Variants in DIP2A observed in about 807,000 individuals in gnomAD.
DIP2A encodes DIP2 acetate--CoA ligase A, also known as disco-interacting protein 2 homolog A.
A neutral mutation model predicts 177.4 loss-of-function variants in DIP2A; 85 were observed. The observed-to-expected ratio is 0.48, with a 90% confidence interval of 0.40 to 0.57. DIP2A has a LOEUF of 0.57. Among genes scored for constraint, DIP2A ranks in the 20% least tolerant of loss-of-function variants. The pLI is 0.00. For synonymous variants in DIP2A, 886 were observed against 881.8 expected (o/e 1.00, Z -0.08); for missense variants, 1,791 against 2,100.2 (o/e 0.85, Z 2.88).
intron 1 of DIP2A, among the ~76,000 whole-genome samples, chr21:46,464,503 C>T (rs1002967513): frequency 5.3e-5 from 8 of 152,206 alleles, no homozygotes; most frequent in African/African-American, 1.9e-4. Context: ...TATAACAGAA[C>T]ACCACATATA....
At chr21:46,534,537 T>C in intron 12 of DIP2A, 48 bp from the exon 13 acceptor site, 1 of 1,545,806 alleles carries the variant, frequency 6.5e-7, no homozygotes, top group Non-Finnish European at 8.9e-7. Context: ...CTGTCTGTTG[T>C]CACCTCTAGA....
rs375598019 is a variant in DIP2A at position 46,498,565 on chromosome 21, C to A, written c.404-17C>A. The A allele has an allele frequency of 6.3e-7, 1 of 1,592,838 alleles. No individual in the cohort carries two copies. The highest frequency in any genetic ancestry group is 1.7e-5 in the Admixed American group (1 of 59,110). ...CTCATCCCGATATCATGCCTGTCAT[C>A]GTTATTTTAACCACAGACACGTCGT... On this transcript the variant is annotated splice_polypyrimidine_tract_variant and intron_variant, in intron 4 of 37. Coordinates refer to ENST00000417564, the MANE Select transcript of DIP2A (RefSeq NM_015151.4). The surrounding 1 kb of genome is among the most constrained non-coding windows in gnomAD (Gnocchi z 4.3).
At chr21:46,478,572 A>C (rs1444201358) in intron 1 of DIP2A, among the ~76,000 whole-genome samples, 1 of 152,198 alleles carries the variant, frequency 6.6e-6, no homozygotes, top group African/African-American at 2.4e-5. Context: ...ATTACACTTC[A>C]CAGTATTGAG....
chr21:46,463,523 T>C (rs1271642565), intron 1 of DIP2A, among the ~76,000 whole-genome samples: 1 of 152,206 alleles, frequency 6.6e-6, no homozygotes, highest in Admixed American at 6.5e-5. Context: ...AACTTTAGTC[T>C]TTTTCTTGAT....
In DIP2A at chr21:46,498,753, C is replaced by T; in HGVS notation, c.575C>T (p.Thr192Ile). 6.2e-7 allele frequency: 1 copy of T among 1,613,914 alleles called. No homozygotes were observed. The highest frequency in any genetic ancestry group is 1.1e-5 in the South Asian group (1 of 91,088). The change falls in exon 5 of 38, where the codon ACC (threonine) becomes ATC (isoleucine). Residue 192 changes from threonine to isoleucine, a missense_variant. Transcript: ENST00000417564. This position sits in a 1 kb window ranked among gnomAD's most constrained non-coding sequence, Gnocchi z 4.3. ...STSSHPGGRP[T>I]TAPSAAATPG... is the part of the protein sequence containing the mutation. Reference sequence around the variant, plus strand: ...TCATCTCACCCGGGAGGGAGACCCACCACTGCTCCCAGTGCTGCAGCCACG... The same window carrying T: ...TCATCTCACCCGGGAGGGAGACCCATCACTGCTCCCAGTGCTGCAGCCACG...
chr21:46,538,827 G>A (rs956944709), intron 16 of DIP2A: 42 of 589,498 alleles, frequency 7.1e-5, no homozygotes, highest in Non-Finnish European at 1.2e-4. Flanking sequence ...TATGCTTGAT[G>A]AAAGGTACAT....
chr21:46,561,703 C>T, intron 33 of DIP2A, 45 bp from the exon 34 acceptor site: 1 of 1,610,750 alleles, frequency 6.2e-7, no homozygotes, highest in Non-Finnish European at 8.5e-7. Context: ...GACATTACTA[C>T]CTGTGTAGTA....
At chr21:46,558,175 C>T in intron 31 of DIP2A, 48 bp from the exon 32 acceptor site, 1 of 1,556,378 alleles carries the variant, frequency 6.4e-7, no homozygotes, top group Non-Finnish European at 8.7e-7. Flanking sequence ...AGGGCCCTGG[C>T]AACTCACTGA....
At chr21:46,566,795 G>A in intron 37 of DIP2A, 112 bp downstream of exon 37, 1 of 1,395,490 alleles carries the variant, frequency 7.2e-7, no homozygotes. Flanking sequence ...CTGGGCACAG[G>A]CCTCCTGCAT....
intron 1 of DIP2A, among the ~76,000 whole-genome samples, chr21:46,467,245 G>A (rs565527371): frequency 1.2e-3 from 163 of 140,338 alleles, no homozygotes; most frequent in Non-Finnish European, 1.8e-3. Context: ...GCAGTGAGCC[G>A]ATATCGCACC....
At chr21:46,543,541 G>GCTCCTCCAGGCA (rs2059909117) in intron 18 of DIP2A, among the ~76,000 whole-genome samples, 1 of 24,770 alleles carries the variant, frequency 4.0e-5, no homozygotes, top group Admixed American at 3.5e-4. Flanking sequence ...CGTGCAAAGC[G>GCTCCTCCAGGCA]CTCCCCCAGG....
intron 11 of DIP2A, 139 bp from the exon 12 acceptor site, chr21:46,533,865 T>C: frequency 1.0e-6 from 1 of 971,820 alleles, no homozygotes; most frequent in Non-Finnish European, 1.5e-6. Flanking sequence ...TTTTAAATTA[T>C]ATAAAATGAA....
downstream of DIP2A, among the ~76,000 whole-genome samples, chr21:46,573,383 G>T (rs2060978891): frequency 1.3e-5 from 2 of 151,800 alleles, no homozygotes; most frequent in Admixed American, 1.3e-4. Context: ...ATATTCACTG[G>T]GCACAGTGGC....
chr21:46,555,659 G>T (rs2060441089), intron 28 of DIP2A: 1 of 347,856 alleles, frequency 2.9e-6, no homozygotes, highest in Admixed American at 4.6e-5. Context: ...TTTGCCATAG[G>T]CTCTGTGACT....
chr21:46,514,435 CAA>C (rs201042541), intron 8 of DIP2A, among the ~76,000 whole-genome samples: 59 of 133,328 alleles, frequency 4.4e-4, no homozygotes, highest in Admixed American at 5.2e-4. Flanking sequence ...GACTCCATCT[CAA>C]AAAAAAAAAA....
intron 1 of DIP2A, among the ~76,000 whole-genome samples, chr21:46,465,024 A>T (rs1018442942): frequency 6.6e-6 from 1 of 151,934 alleles, no homozygotes; most frequent in African/African-American, 2.4e-5. Context: ...CCTTTGAATG[A>T]TGGATAAGAA....
At chr21:46,468,412 TAAA>T (rs59835943) in intron 1 of DIP2A, among the ~76,000 whole-genome samples, 16 of 142,598 alleles carry the variant, frequency 1.1e-4, no homozygotes, top group African/African-American at 1.6e-4. Context: ...ATACCCTGTC[TAAA>T]AAAAAAAAAA....
At chr21:46,505,874 A>G (rs1490799777) in intron 6 of DIP2A, among the ~76,000 whole-genome samples, 1 of 152,182 alleles carries the variant, frequency 6.6e-6, no homozygotes, top group Non-Finnish European at 1.5e-5. Context: ...AATTATTTTG[A>G]GATTCATTCA....
rs1476611759 is a variant in DIP2A at position 46,557,515 on chromosome 21, G to A, written c.3630-70G>A. 3 of 1,512,972 alleles carry A rather than the reference G, an allele frequency of 2.0e-6. No homozygotes were observed. Among genetic ancestry groups the A allele is most frequent in the Non-Finnish European group, 2.7e-6 (3 of 1,119,964 alleles). The allele number at this position is 1,512,972 out of a possible 1,614,324, so 93.7% of individuals were successfully genotyped here. On this transcript the variant is annotated intron_variant, in intron 30 of 37. Coordinates refer to ENST00000417564, the MANE Select transcript of DIP2A (RefSeq NM_015151.4). The surrounding 1 kb of genome is among the most constrained non-coding windows in gnomAD (Gnocchi z 6.0). ...GTGGCTGGAAAAGAAGTGTTCTTGA[G>A]GAAGGGAAGAGTGGAGTGCCCAGGG...
Sources: allele counts gnomAD v4.1 joint callset (sites outside exome capture counted in the v4.1 genomes callset), GRCh38; gene constraint gnomAD v4.1.1; non-coding constraint Gnocchi (gnomAD v3.1); transcripts MANE v1.5; gene names NCBI Gene and HGNC (gene_info 2026-07-23, HGNC 2026-07-21).